The following SCAPER variants were observed in gnomAD, a reference collection of about 807,000 sequenced individuals.
SCAPER encodes the protein S-phase cyclin A associated protein in the ER.
In SCAPER, 98 loss-of-function variants were observed where a neutral mutation model predicts 182.2. The ratio of observed to expected loss-of-function variants is 0.54; its 90% CI spans 0.46 to 0.64. The LOEUF (loss-of-function observed/expected upper bound fraction) is 0.64. Ranked by LOEUF, SCAPER falls within the 30% of genes least tolerant of loss-of-function variation. The pLI is 0.00. For missense variants in SCAPER, 1,432 were observed against 1,690.0 expected (o/e 0.85, Z 2.68); for synonymous variants, 605 against 564.6 (o/e 1.07, Z -1.01).
At chr15:76,557,036 G>A (rs2046245915) in intron 23 of SCAPER, among the ~76,000 whole-genome samples, 1 of 152,030 alleles carries the variant, frequency 6.6e-6, no homozygotes, top group Non-Finnish European at 1.5e-5. Context: ...AAAGAATCTA[G>A]GAATGTAGTT....
At chr15:76,567,806 C>T (rs2047150821) in intron 23 of SCAPER, among the ~76,000 whole-genome samples, 1 of 151,882 alleles carries the variant, frequency 6.6e-6, no homozygotes, top group East Asian at 1.9e-4. Context: ...AATATTCTTC[C>T]CTTCTATTGC....
intron 15 of SCAPER, among the ~76,000 whole-genome samples, chr15:76,750,989 C>A (rs2062053978): frequency 6.6e-6 from 1 of 151,614 alleles, no homozygotes; most frequent in African/African-American, 2.4e-5. Context: ...AAAACACTTA[C>A]AGATTCCACC....
At chr15:76,436,049 T>C (rs752393453) in intron 25 of SCAPER, among the ~76,000 whole-genome samples, 1 of 152,182 alleles carries the variant, frequency 6.6e-6, no homozygotes, top group Non-Finnish European at 1.5e-5. Flanking sequence ...CCATTCATTT[T>C]CTTTGTTGGA....
intron 4 of SCAPER, among the ~76,000 whole-genome samples, chr15:76,853,350 C>T (rs952088884): frequency 2.0e-5 from 3 of 152,170 alleles, no homozygotes; most frequent in African/African-American, 4.8e-5. Context: ...CATCCTGATA[C>T]CAAAATCTGG....
At position 76,706,099 on chromosome 15, in the gene SCAPER, A is replaced by T. The variant is rs1032305477; in HGVS notation, c.2166-115T>A. On this transcript the variant is annotated intron_variant, in intron 17 of 31. Coordinates refer to ENST00000563290, the MANE Select transcript of SCAPER (RefSeq NM_020843.4). Reference sequence around the variant, plus strand: ...ATATAGTCTAAAGGGCTACTTTTTTAAAATATTCTTCTTAAAGTGCCTACT... The same window carrying T: ...ATATAGTCTAAAGGGCTACTTTTTTTAAATATTCTTCTTAAAGTGCCTACT... The T allele has an allele frequency of 1.7e-5, 11 of 641,248 alleles. No homozygotes were observed. In the South Asian group the frequency reaches 1.9e-4, roughly 11 times the overall value. 39.7% of individuals were successfully genotyped at this position (641,248 alleles called of 1,614,324 possible). A position where few individuals can be genotyped will look rare whatever the true frequency, so the allele number is the denominator to read the frequency against.
rs140191199 is a variant in SCAPER at position 76,444,610 on chromosome 15, C to T, written c.3079-10300G>A. Among the ~76,000 whole-genome samples, 545 of 152,224 alleles carry T rather than the reference C, an allele frequency of 3.6e-3. 3 individuals carry two copies. The highest frequency in any genetic ancestry group is 0.031 in the Middle Eastern group (9 of 294). ...TTGTGGTCTGCTCTGCTTCTTGAAC[C>T]CACACATTTACATCTTTTGCCAAAT... On this transcript the variant is annotated intron_variant, in intron 25 of 31. Coordinates refer to ENST00000563290, the MANE Select transcript of SCAPER (RefSeq NM_020843.4).
rs560435367 is a variant in SCAPER, at chr15:76,898,499, G to A, written c.-60+6800C>T. The stretch of plus-strand genomic sequence containing the variant: ...AGTAGAAACAGTGCAAGATGTTCAT[G>A]AACTGATAAATGAATAAATAAAATG... On this transcript the variant is annotated intron_variant, in intron 1 of 31. Coordinates refer to ENST00000563290, the MANE Select transcript of SCAPER (RefSeq NM_020843.4). Among the ~76,000 whole-genome samples, 81 of 152,290 alleles carry A rather than the reference G, an allele frequency of 5.3e-4. 2 individuals are homozygous for A. In the South Asian group the frequency reaches 0.012, roughly 22 times the overall value.
At chr15:76,368,888 G>A (rs1011325746) in intron 29 of SCAPER, among the ~76,000 whole-genome samples, 11 of 152,188 alleles carry the variant, frequency 7.2e-5, no homozygotes, top group Non-Finnish European at 1.5e-4. Context: ...TAAATAAAGT[G>A]AGGGGTTGAC....
intron 26 of SCAPER, among the ~76,000 whole-genome samples, chr15:76,409,676 C>T (rs1185188369): frequency 6.6e-6 from 1 of 152,110 alleles, no homozygotes; most frequent in Non-Finnish European, 1.5e-5. Context: ...TCCACTCTCA[C>T]ATTCCAACCA....
intron 23 of SCAPER, among the ~76,000 whole-genome samples, chr15:76,539,153 C>T (rs371787203): frequency 6.6e-6 from 1 of 151,492 alleles, no homozygotes; most frequent in African/African-American, 2.4e-5. Flanking sequence ...AAACTGCAAG[C>T]AAATTAGCTG....
rs1258947146 is a variant in SCAPER at position 76,621,026 on chromosome 15, A to G, written c.2711+738T>C. Reference sequence around the variant, plus strand: ...ACTTAAAATTAAAAAAAAATTTTTAAAAGAGTCATCTATGTATATAAATAT... The same window carrying G: ...ACTTAAAATTAAAAAAAAATTTTTAGAAGAGTCATCTATGTATATAAATAT... On this transcript the variant is annotated intron_variant, in intron 22 of 31. Transcript: ENST00000563290. 2.6e-5 allele frequency among the ~76,000 whole-genome samples: 4 copies of G among 152,310 alleles called. No homozygotes were observed. In the East Asian group the frequency reaches 7.7e-4, roughly 29 times the overall value.
rs116853941 is a variant in SCAPER at position 76,702,928 on chromosome 15, C to T, written c.2322G>A (p.Gly774=). ...RKEKAAELSS[G]RHANTDYAPK... ...GGGCATAATCAGTATTTGCATGTCGCCCACTGCTTAGCTCAGCAGCTTTTT... is the reference window on the plus strand; with the variant it reads ...GGGCATAATCAGTATTTGCATGTCGTCCACTGCTTAGCTCAGCAGCTTTTT... Residue 774 remains glycine (G), a synonymous_variant, in exon 19 of 32, where the codon GGG becomes GGA. Coordinates refer to ENST00000563290, the MANE Select transcript of SCAPER (RefSeq NM_020843.4). 2.8e-3 allele frequency: 4,499 copies of T among 1,611,016 alleles called. 28 individuals are homozygous for T. The highest frequency in any genetic ancestry group is 2.4e-3 in the Non-Finnish European group (2,809 of 1,178,918).
intron 21 of SCAPER, among the ~76,000 whole-genome samples, chr15:76,657,974 A>C (rs958801284): frequency 1.3e-5 from 2 of 152,198 alleles, no homozygotes; most frequent in Admixed American, 1.3e-4. Flanking sequence ...GAACAGGCAA[A>C]AGCTGGAAGC....
intron 10 of SCAPER, among the ~76,000 whole-genome samples, chr15:76,771,064 C>A (rs573105122): frequency 6.6e-6 from 1 of 152,162 alleles, no homozygotes; most frequent in Non-Finnish European, 1.5e-5. Context: ...TAGTCCACAG[C>A]AGCCTTTAAA....
intron 15 of SCAPER, among the ~76,000 whole-genome samples, chr15:76,738,538 T>A: frequency 4.5e-5 from 1 of 22,412 alleles, no homozygotes; most frequent in African/African-American, 1.1e-4. Context: ...CGAGACTCTG[T>A]CTCAAAAAAA....
intron 5 of SCAPER, among the ~76,000 whole-genome samples, chr15:76,810,578 A>C (rs1389768902): frequency 6.7e-6 from 1 of 149,252 alleles, no homozygotes; most frequent in Admixed American, 6.7e-5. Flanking sequence ...CACACACACA[A>C]AAGAAGAGAG....
At chr15:76,831,658 C>T (rs1210539322) in intron 5 of SCAPER, among the ~76,000 whole-genome samples, 1 of 152,136 alleles carries the variant, frequency 6.6e-6, no homozygotes, top group East Asian at 1.9e-4. Flanking sequence ...CCCACAATGC[C>T]CCCGCACCAC....
chr15:76,816,010 A>G (rs2067047113), intron 5 of SCAPER, among the ~76,000 whole-genome samples: 1 of 152,156 alleles, frequency 6.6e-6, no homozygotes. Context: ...AAAATGATAA[A>G]CCTGTAGCAT....
chr15:76,771,643 A>T, intron 10 of SCAPER, 99 bp downstream of exon 10: 1 of 833,176 alleles, frequency 1.2e-6, no homozygotes, highest in Non-Finnish European at 1.8e-6. Flanking sequence ...AAATGCTTTA[A>T]AAAGTATAAA....
Sources: gnomAD v4.1 joint callset for allele counts (sites outside exome capture counted in the v4.1 genomes callset) on GRCh38, gnomAD v4.1.1 for gene constraint, MANE v1.5 for transcripts, NCBI Gene and HGNC (gene_info 2026-07-23, HGNC 2026-07-21) for gene names.